Variants in ANGPT2 observed in about 807,000 individuals in gnomAD.
ANGPT2 encodes the protein angiopoietin-2.
ANGPT2 carries 28 observed loss-of-function variants against 62.9 expected under a neutral mutation model. That is an observed-to-expected ratio of 0.44 (90% CI 0.33 to 0.61). ANGPT2 has a LOEUF of 0.61. Among genes scored for constraint, ANGPT2 ranks in the 20% least tolerant of loss-of-function variants. The probability of loss-of-function intolerance (pLI) is 0.03; values close to 1 mark genes in which losing one functional copy is unlikely to be tolerated. For synonymous variants in ANGPT2, 284 were observed against 207.8 expected (o/e 1.37, Z -3.15); for missense variants, 727 against 594.9 (o/e 1.22, Z -2.31).
Position 6,560,706 on chromosome 8 carries a change from T to G in ANGPT2, c.288+1941A>C, listed in dbSNP as rs193156095. 4.7e-4 allele frequency among the ~76,000 whole-genome samples: 71 copies of G among 152,334 alleles called. No individual in the cohort carries two copies. In the Middle Eastern group the frequency reaches 0.01, roughly 22 times the overall value. On this transcript the variant is annotated intron_variant, in intron 1 of 8. Transcript: ENST00000629816. ...TGTTCAAATATTGACTAAGTGAACCTGGAAAGGAAGAAATTTTGGTCGCCT... is the reference window on the plus strand; with the variant it reads ...TGTTCAAATATTGACTAAGTGAACCGGGAAAGGAAGAAATTTTGGTCGCCT...
intron 5 of ANGPT2, among the ~76,000 whole-genome samples, chr8:6,515,403 G>A (rs906058897): frequency 1.9e-4 from 29 of 152,242 alleles, no homozygotes; most frequent in African/African-American, 6.3e-4. Context: ...GTGTGACCTG[G>A]GCTTGGCTTA....
intron 8 of ANGPT2, among the ~76,000 whole-genome samples, chr8:6,507,264 T>G (rs1396348803): frequency 6.6e-6 from 1 of 152,206 alleles, no homozygotes; most frequent in Non-Finnish European, 1.5e-5. Context: ...ATGTAGTAAC[T>G]TTCATTTATA....
chr8:6,544,702 T>C (rs1480610412), intron 1 of ANGPT2, among the ~76,000 whole-genome samples: 1 of 152,138 alleles, frequency 6.6e-6, no homozygotes, highest in Non-Finnish European at 1.5e-5. Flanking sequence ...TTACAGAAAA[T>C]GGCACTCTAA....
intron 4 of ANGPT2, among the ~76,000 whole-genome samples, 180 bp from the exon 5 acceptor site, chr8:6,520,171 C>A (rs992249280): frequency 2.6e-5 from 4 of 152,056 alleles, no homozygotes; most frequent in African/African-American, 9.7e-5. Context: ...CTTCTTAATT[C>A]TCAAAAGATT....
chr8:6,535,518 A>G (rs1470840527), intron 1 of ANGPT2, among the ~76,000 whole-genome samples: 1 of 152,236 alleles, frequency 6.6e-6, no homozygotes, highest in Non-Finnish European at 1.5e-5. Context: ...GTGTCCATTT[A>G]TGTTAATCTT....
intron 1 of ANGPT2, among the ~76,000 whole-genome samples, chr8:6,551,506 A>G (rs1391006873): frequency 6.6e-6 from 1 of 152,248 alleles, no homozygotes; most frequent in Non-Finnish European, 1.5e-5. Context: ...AAAATTTCAC[A>G]TCACAAAATC....
chr8:6,547,080 C>G (rs530542962), intron 1 of ANGPT2, among the ~76,000 whole-genome samples: 1 of 151,896 alleles, frequency 6.6e-6, no homozygotes, highest in Non-Finnish European at 1.5e-5. Context: ...CGGGCTAATG[C>G]GTTTTTGGAA....
At chr8:6,553,443 G>A (rs1313453407) in intron 1 of ANGPT2, among the ~76,000 whole-genome samples, 1 of 152,146 alleles carries the variant, frequency 6.6e-6, no homozygotes, top group Non-Finnish European at 1.5e-5. Context: ...AATAACTTCA[G>A]AGGCTTGCTG....
intron 3 of ANGPT2, among the ~76,000 whole-genome samples, chr8:6,525,285 G>A (rs983717826): frequency 1.3e-5 from 2 of 152,138 alleles, no homozygotes; most frequent in African/African-American, 4.8e-5. Context: ...GGAGAGATGG[G>A]GGTCTGTCTT....
At chr8:6,542,202 G>A (rs1398545529) in intron 1 of ANGPT2, among the ~76,000 whole-genome samples, 1 of 152,040 alleles carries the variant, frequency 6.6e-6, no homozygotes, top group African/African-American at 2.4e-5. Context: ...GTAACAAAAT[G>A]TCTCAGTGTT....
rs1266859155 is a variant in ANGPT2, at chr8:6,505,361, G to A, written c.1328-2100C>T. On this transcript the variant is annotated intron_variant, in intron 8 of 8. Transcript: ENST00000629816. ...AAGAATATATATATTCTTTCTATAT[G>A]TATATAGAATATATATATTCTTTCT... 2.3e-3 allele frequency among the ~76,000 whole-genome samples: 93 copies of A among 40,676 alleles called. 4 individuals carry two copies. The highest frequency in any genetic ancestry group is 0.013 in the Admixed American group (53 of 4,038). 26.7% of individuals were successfully genotyped at this position (40,676 alleles called of 152,430 possible). A position where few individuals can be genotyped will look rare whatever the true frequency, so the allele number is the denominator to read the frequency against.
At chr8:6,560,683 T>C (rs1825394522) in intron 1 of ANGPT2, among the ~76,000 whole-genome samples, 1 of 152,230 alleles carries the variant, frequency 6.6e-6, no homozygotes, top group Non-Finnish European at 1.5e-5. Context: ...GCTACTGCTG[T>C]TCAAATATTG....
intron 8 of ANGPT2, chr8:6,508,110 A>G (rs1814151275): frequency 6.6e-6 from 1 of 152,184 alleles, no homozygotes; most frequent in Non-Finnish European, 1.5e-5. Context: ...GGATTAACTC[A>G]TTTGTGTTTA....
intron 1 of ANGPT2, among the ~76,000 whole-genome samples, chr8:6,542,421 C>T (rs1476232358): frequency 6.6e-6 from 1 of 151,878 alleles, no homozygotes; most frequent in Non-Finnish European, 1.5e-5. Flanking sequence ...CATTCCAAAG[C>T]TTGGTGGGCA....
intron 1 of ANGPT2, among the ~76,000 whole-genome samples, chr8:6,547,810 G>A (rs1055861088): frequency 1.3e-5 from 2 of 152,112 alleles, no homozygotes; most frequent in African/African-American, 2.4e-5. Flanking sequence ...GGGGAGCACC[G>A]GAAGAAGGGA....
chr8:6,521,579 G>T (rs1817348158), intron 3 of ANGPT2, among the ~76,000 whole-genome samples, 169 bp from the exon 4 acceptor site: 1 of 152,214 alleles, frequency 6.6e-6, no homozygotes, highest in Non-Finnish European at 1.5e-5. Flanking sequence ...GAGAAGATTA[G>T]ATATATAAAT....
At chr8:6,513,426 G>A (rs554878584) in intron 7 of ANGPT2, among the ~76,000 whole-genome samples, 7 of 150,208 alleles carry the variant, frequency 4.7e-5, no homozygotes, top group African/African-American at 1.2e-4. Context: ...TCCGCCTCCC[G>A]GGTTCACGCC....
At chr8:6,506,109 G>A (rs969908661) in intron 8 of ANGPT2, among the ~76,000 whole-genome samples, 2 of 150,670 alleles carry the variant, frequency 1.3e-5, no homozygotes, top group Non-Finnish European at 3.0e-5. Context: ...ATTGTTTCTT[G>A]GTGGTAACAG....
intron 3 of ANGPT2, among the ~76,000 whole-genome samples, chr8:6,523,836 C>T (rs1817833805): frequency 6.6e-6 from 1 of 151,284 alleles, no homozygotes; most frequent in Non-Finnish European, 1.5e-5. Flanking sequence ...ATTCGTCCAC[C>T]TCGGCCTTCC....
Sources: gnomAD v4.1 joint callset for allele counts (sites outside exome capture counted in the v4.1 genomes callset) on GRCh38, gnomAD v4.1.1 for gene constraint, MANE v1.5 for transcripts, NCBI Gene and HGNC (gene_info 2026-07-23, HGNC 2026-07-21) for gene names.